MPPED1: variants seen among roughly 807,000 people sequenced by gnomAD.
MPPED1 encodes metallophosphoesterase domain containing 1.
Under a neutral mutation model 36.2 loss-of-function variants are expected in MPPED1, and 16 were observed. The ratio of observed to expected loss-of-function variants is 0.44; its 90% CI spans 0.30 to 0.67. MPPED1 has a LOEUF of 0.67. Ranked by LOEUF, MPPED1 falls within the 30% of genes least tolerant of loss-of-function variation. The pLI is 0.10. For missense variants in MPPED1, 307 were observed against 453.4 expected (o/e 0.68, Z 2.93); for synonymous variants, 199 against 191.3 (o/e 1.04, Z -0.33).
At chr22:43,432,394 AACG>A (rs1929731773) in intron 2 of MPPED1, among the ~76,000 whole-genome samples, 2 of 125,100 alleles carry the variant, frequency 1.6e-5, no homozygotes, top group Admixed American at 1.6e-4. Context: ...GAGAGAGAGA[AACG>A]GAGGAGAGAG....
intron 4 of MPPED1, among the ~76,000 whole-genome samples, chr22:43,489,319 A>G (rs1399739825): frequency 6.6e-6 from 1 of 152,036 alleles, no homozygotes; most frequent in Non-Finnish European, 1.5e-5. Flanking sequence ...GGGGCTGTCC[A>G]GGCCTCATGT....
At chr22:43,460,263 A>AC (rs368015046) in intron 3 of MPPED1, among the ~76,000 whole-genome samples, 9,880 of 93,600 alleles carry the variant, frequency 0.11, 751 homozygotes, top group African/African-American at 0.13. Flanking sequence ...ACAAACCCAA[A>AC]CCCCCCCCCC....
At chr22:43,420,021 A>C (rs932515) in intron 1 of MPPED1, among the ~76,000 whole-genome samples, 42,622 of 152,062 alleles carry the variant, frequency 0.28, 7,234 homozygotes, top group Non-Finnish European at 0.37. Flanking sequence ...TTTTTCAAGG[A>C]GTGCTGGGCT....
chr22:43,414,532 G>C (rs927608177), intron 1 of MPPED1, among the ~76,000 whole-genome samples: 1 of 152,084 alleles, frequency 6.6e-6, no homozygotes, highest in African/African-American at 2.4e-5. Context: ...CATGAATACC[G>C]GGGGCAGAGG....
rs756829065 is a variant in MPPED1 at position 43,505,545 on chromosome 22, G to A, written c.910G>A (p.Val304Ile). Residue 304 changes from valine (V) to isoleucine (I), a missense_variant, in exon 7 of 7, where the codon GTA becomes ATA. Physicochemically the swap from Val to Ile is conservative, Grantham distance 29 (BLOSUM62 3). Transcript: ENST00000443721. ...GACGACCACCTATGTGAATGCGTCC[G>A]TATGCACTGTGAACTACCAGCCCGT... ...DGTTTYVNAS[V>I]CTVNYQPVNP... 253 of 1,612,612 alleles carry A rather than the reference G, an allele frequency of 1.6e-4. 1 individual carries two copies. The highest frequency in any genetic ancestry group is 9.1e-4 in the South Asian group (82 of 90,598).
chr22:43,504,212 GTGGTGATGATGATAA>G (rs1353582931), intron 6 of MPPED1, among the ~76,000 whole-genome samples: 3 of 152,032 alleles, frequency 2.0e-5, no homozygotes, highest in Admixed American at 6.6e-5. Context: ...AAACGCAATG[GTGGTGATGATGATAA>G]TGGTGATGAT....
At chr22:43,435,753 A>G (rs897530265) in intron 3 of MPPED1, among the ~76,000 whole-genome samples, 1 of 152,156 alleles carries the variant, frequency 6.6e-6, no homozygotes, top group Non-Finnish European at 1.5e-5. Context: ...GCTACATCGG[A>G]GGCTGAGGCA....
At chr22:43,454,002 A>T (rs927678672) in intron 3 of MPPED1, among the ~76,000 whole-genome samples, 7 of 151,632 alleles carry the variant, frequency 4.6e-5, no homozygotes, top group African/African-American at 1.5e-4. Context: ...TAAAATTTAA[A>T]TATTTATTTA....
Position 43,445,038 on chromosome 22 carries a change from C to T in MPPED1, c.406+9823C>T, listed in dbSNP as rs117683494. On this transcript the variant is annotated intron_variant, in intron 3 of 6. Coordinates refer to ENST00000443721, the MANE Select transcript of MPPED1 (RefSeq NM_001044370.2). ...TGTAAGTGGTTAACTAGGGTCTGAG[C>T]TTCCTGGGGGCCAAAGTGAAGAAGG... is the stretch of plus-strand genomic sequence containing the variant. Among the ~76,000 whole-genome samples the T allele has an allele frequency of 1.2e-4, 19 of 152,272 alleles. No homozygotes were observed. The East Asian group carries it at 3.7e-3, about 29-fold the overall frequency.
At chr22:43,450,254 C>T (rs1401960961) in intron 3 of MPPED1, among the ~76,000 whole-genome samples, 1 of 152,164 alleles carries the variant, frequency 6.6e-6, no homozygotes, top group Non-Finnish European at 1.5e-5. Flanking sequence ...AGACAGGGGC[C>T]AGGGGAAAGG....
intron 4 of MPPED1, among the ~76,000 whole-genome samples, chr22:43,495,567 A>T (rs892147700): frequency 7.9e-4 from 21 of 26,630 alleles, no homozygotes; most frequent in Admixed American, 1.3e-3. Flanking sequence ...GTGGTGGTGG[A>T]GGTGATGGTG....
At chr22:43,431,091 G>C (rs1482987397) in intron 2 of MPPED1, among the ~76,000 whole-genome samples, 1 of 130,972 alleles carries the variant, frequency 7.6e-6, no homozygotes, top group Non-Finnish European at 1.6e-5. Context: ...GCCCAGGCTG[G>C]AGTGCAGTGG....
At chr22:43,491,163 C>A (rs372957237) in intron 4 of MPPED1, among the ~76,000 whole-genome samples, 2 of 152,078 alleles carry the variant, frequency 1.3e-5, no homozygotes, top group African/African-American at 2.4e-5. Context: ...TTTGAAAGAC[C>A]CTGCTGTAGG....
chr22:43,470,105 A>G (rs947278825), intron 3 of MPPED1, among the ~76,000 whole-genome samples: 1 of 141,266 alleles, frequency 7.1e-6, no homozygotes, highest in African/African-American at 2.8e-5. Flanking sequence ...CCATCCATAA[A>G]TCATCCATCC....
At chr22:43,484,657 G>A (rs1246117187) in intron 4 of MPPED1, among the ~76,000 whole-genome samples, 4 of 152,218 alleles carry the variant, frequency 2.6e-5, no homozygotes, top group Non-Finnish European at 5.9e-5. Context: ...GTGGAGACCT[G>A]CATGGTGTTT....
intron 2 of MPPED1, among the ~76,000 whole-genome samples, chr22:43,429,916 G>T (rs1231927918): frequency 6.6e-6 from 1 of 152,206 alleles, no homozygotes; most frequent in Non-Finnish European, 1.5e-5. Context: ...CCAGGATGTG[G>T]GAAGGAAGGA....
At chr22:43,476,902 G>C (rs1344762313) in intron 4 of MPPED1, among the ~76,000 whole-genome samples, 1 of 152,106 alleles carries the variant, frequency 6.6e-6, no homozygotes, top group Non-Finnish European at 1.5e-5. Context: ...AAAACCAGGA[G>C]GGCCGTCTAG....
In MPPED1 at chr22:43,495,216, AGGT is replaced by A. The variant is rs370030910; in HGVS notation, c.633-3004_633-3002del. ...ATGATGGAAGTGGTGATGGAAGTGGAGGTGGTGGTGGTGGTGGAGGTGGTGGTG... is the reference window on the plus strand; with the variant it reads ...ATGATGGAAGTGGTGATGGAAGTGGAGGTGGTGGTGGTGGAGGTGGTGGTG... On this transcript the variant is annotated intron_variant, in intron 4 of 6. Transcript: ENST00000443721. 7.5e-3 allele frequency among the ~76,000 whole-genome samples: 919 copies of A among 123,272 alleles called. 17 individuals are homozygous for A. Among genetic ancestry groups the A allele is most frequent in the African/African-American group, 0.026 (843 of 32,086 alleles). 80.9% of individuals were successfully genotyped at this position (123,272 alleles called of 152,430 possible).
At chr22:43,415,346 C>G (rs1027919813) in intron 1 of MPPED1, among the ~76,000 whole-genome samples, 1 of 150,710 alleles carries the variant, frequency 6.6e-6, no homozygotes, top group African/African-American at 2.4e-5. Context: ...TAATTTGATT[C>G]ACCATGGTTC....
Sources: allele counts gnomAD v4.1 joint callset (sites outside exome capture counted in the v4.1 genomes callset), GRCh38; gene constraint gnomAD v4.1.1; transcripts MANE v1.5; gene names NCBI Gene and HGNC (gene_info 2026-07-23, HGNC 2026-07-21).